HADHB: variants seen among roughly 807,000 people sequenced by gnomAD.
HADHB encodes trifunctional enzyme subunit beta, mitochondrial.
A neutral mutation model predicts 61.9 loss-of-function variants in HADHB; 50 were observed. The observed-to-expected ratio is 0.81, with a 90% confidence interval of 0.64 to 1.02. The LOEUF is 1.02. Among genes scored for constraint, HADHB ranks in the 50% least tolerant of loss-of-function variants. The pLI, the probability that HADHB is intolerant of heterozygous loss-of-function variation, is 0.00. For synonymous variants in HADHB, 191 were observed against 201.6 expected (o/e 0.95, Z 0.45); for missense variants, 504 against 586.5 (o/e 0.86, Z 1.45).
chr2:26,282,620 G>T lies in HADHB; in HGVS notation c.934-225G>T, dbSNP rs544000953. Among the ~76,000 whole-genome samples, 7 of 152,234 alleles carry T rather than the reference G, an allele frequency of 4.6e-5. No individual in the cohort carries two copies. In the East Asian group the frequency reaches 1.3e-3, roughly 29 times the overall value. On this transcript the variant is annotated intron_variant, in intron 10 of 15. Coordinates refer to ENST00000317799, the MANE Select transcript of HADHB (RefSeq NM_000183.3). ...TCTGTTGATTCATTTTGATTATTAT[G>T]ATACTTTTGAACAGCCTTCTCTACC...
intron 13 of HADHB, 87 bp from the exon 14 acceptor site, chr2:26,284,796 G>A: frequency 1.2e-6 from 1 of 811,704 alleles, no homozygotes; most frequent in Non-Finnish European, 2.2e-6. Context: ...CATACCTAAA[G>A]TTGTTAAACT....
At chr2:26,264,977 G>A (rs1462625024) in intron 4 of HADHB, among the ~76,000 whole-genome samples, 33 of 148,346 alleles carry the variant, frequency 2.2e-4, no homozygotes, top group African/African-American at 6.5e-4. Context: ...GCAACACAGC[G>A]AGACCCTGTT....
chr2:26,252,656 G>T (rs1671447217), intron 1 of HADHB, among the ~76,000 whole-genome samples: 1 of 152,148 alleles, frequency 6.6e-6, no homozygotes, highest in Non-Finnish European at 1.5e-5. Context: ...TTCCGAATTG[G>T]TGCATAATCA....
At chr2:26,253,891 A>AATAC (rs1283958534) in intron 1 of HADHB, among the ~76,000 whole-genome samples, 1 of 151,078 alleles carries the variant, frequency 6.6e-6, no homozygotes, top group African/African-American at 2.4e-5. Context: ...TAAATAAATA[A>AATAC]ATAAATAAAT....
chr2:26,254,702 G>A (rs1574642766), intron 3 of HADHB: 1 of 502,422 alleles, frequency 2.0e-6, no homozygotes, highest in East Asian at 3.6e-5. Context: ...TGTTTTCTGG[G>A]ATTTGAACCT....
chr2:26,272,831 C>T (rs1366091449), intron 5 of HADHB, among the ~76,000 whole-genome samples: 1 of 152,028 alleles, frequency 6.6e-6, no homozygotes, highest in African/African-American at 2.4e-5. Flanking sequence ...CACCTATAAT[C>T]CCAGCACTTT....
chr2:26,268,493 T>G lies in HADHB; in HGVS notation c.210-1460T>G, dbSNP rs6754697. ...GACATCACTTGACCCAAATCATCACTTTAACATCACTGGTAGTAAGTCATG... is the reference window on the plus strand; with the variant it reads ...GACATCACTTGACCCAAATCATCACGTTAACATCACTGGTAGTAAGTCATG... On this transcript the variant is annotated intron_variant, in intron 4 of 15. Coordinates refer to ENST00000317799, the MANE Select transcript of HADHB (RefSeq NM_000183.3). Among the ~76,000 whole-genome samples the G allele has an allele frequency of 6.3e-3, 957 of 152,338 alleles. 8 individuals are homozygous for G. The highest frequency in any genetic ancestry group is 0.022 in the African/African-American group (895 of 41,582).
chr2:26,287,102 G>T (rs1051299706), intron 15 of HADHB, among the ~76,000 whole-genome samples: 9 of 152,016 alleles, frequency 5.9e-5, no homozygotes, highest in African/African-American at 2.2e-4. Context: ...TACTCAGGAG[G>T]CTGAGGCAGG....
chr2:26,268,869 G>A (rs1672209139), intron 4 of HADHB, among the ~76,000 whole-genome samples: 1 of 152,140 alleles, frequency 6.6e-6, no homozygotes, highest in African/African-American at 2.4e-5. Context: ...GGGGAAGGCT[G>A]GGCGCGGTGA....
At chr2:26,263,561 G>T in intron 4 of HADHB, 82 bp downstream of exon 4, 1 of 864,780 alleles carries the variant, frequency 1.2e-6, no homozygotes, top group East Asian at 2.4e-5. Context: ...AACCCAGTAG[G>T]TAATAATATT....
At chr2:26,260,976 C>T (rs1446386255) in intron 3 of HADHB, 6 of 1,464,418 alleles carry the variant, frequency 4.1e-6, no homozygotes, top group Non-Finnish European at 5.5e-6. Context: ...TGCTTCTTTG[C>T]CTAGAGAGAG....
Position 26,252,608 on chromosome 2 carries a change from A to G in HADHB, c.-8-1639A>G, listed in dbSNP as rs58112083. Among the ~76,000 whole-genome samples, 955 of 152,278 alleles carry G rather than the reference A, an allele frequency of 6.3e-3. 8 individuals are homozygous for G. Among genetic ancestry groups the G allele is most frequent in the African/African-American group, 0.021 (893 of 41,552 alleles). ...ATAGCATGCTGTACAGCTATTTTGC[A>G]CCTTGCTTTCTTCACTTAATGATAC... On this transcript the variant is annotated intron_variant, in intron 1 of 15. Transcript: ENST00000317799.
intron 8 of HADHB, 84 bp from the exon 9 acceptor site, chr2:26,279,051 T>C: frequency 8.4e-7 from 1 of 1,186,266 alleles, no homozygotes; most frequent in South Asian, 1.2e-5. Flanking sequence ...GATTTTAACT[T>C]TTCCAAATAA....
In HADHB at chr2:26,273,717, TC is replaced by T. The variant is rs763613962; in HGVS notation, c.322del (p.Gln108ArgfsTer3). On this transcript the variant is annotated frameshift_variant, in exon 6 of 16. Coordinates refer to ENST00000317799, the MANE Select transcript of HADHB (RefSeq NM_000183.3). LOFTEE classifies it high-confidence loss of function. ...ATTATATCATCTTTGGTACAGTTAT[TC>T]AGGAAGTGAAAACAAGCAATGTGGC... ...VDYIIFGTVIQEVKTSNVARE... is the reference protein window; with the variant it reads ...VDYIIFGTVIXEVKTSNVARE... 8 of 1,607,632 alleles carry T rather than the reference TC, an allele frequency of 5.0e-6. No individual in the cohort carries two copies.
In HADHB at chr2:26,284,908, C is replaced by T. The variant is rs764623179; in HGVS notation, c.1175C>T (p.Ala392Val). ...FSGQILANFK[A>V]MDSDWFAENY... is the part of the protein sequence containing the mutation. The stretch of plus-strand genomic sequence containing the variant: ...GGTCAGATTTTGGCAAATTTTAAAG[C>T]CATGGATTCTGATTGGTTTGCAGAA... The change falls in exon 14 of 16, where the codon GCC becomes GTC. Residue 392 changes from alanine (A) to valine (V), a missense_variant. Transcript: ENST00000317799. 1.9e-6 allele frequency: 3 copies of T among 1,596,498 alleles called. No individual in the cohort carries two copies. The East Asian group carries it at 6.7e-5, about 36-fold the overall frequency.
At chr2:26,286,273 A>G (rs1047504244) in intron 15 of HADHB, among the ~76,000 whole-genome samples, 4 of 152,230 alleles carry the variant, frequency 2.6e-5, no homozygotes, top group African/African-American at 9.6e-5. Flanking sequence ...TAGTCACCAT[A>G]AGACTTTATA....
intron 3 of HADHB, among the ~76,000 whole-genome samples, chr2:26,257,936 G>A (rs1025363793): frequency 1.3e-5 from 2 of 152,026 alleles, no homozygotes; most frequent in African/African-American, 4.8e-5. Flanking sequence ...GAAGCATGGT[G>A]TGAACCCTGG....
At chr2:26,254,110 G>C in intron 1 of HADHB, 137 bp from the exon 2 acceptor site, 1 of 644,568 alleles carries the variant, frequency 1.6e-6, no homozygotes, top group East Asian at 2.7e-5. Flanking sequence ...AATATTATTA[G>C]ATGAAGAATA....
At chr2:26,254,907 C>G in intron 3 of HADHB, 1 of 186,198 alleles carries the variant, frequency 5.4e-6, no homozygotes, top group Non-Finnish European at 1.1e-5. Flanking sequence ...GGGCCCATTC[C>G]TGAAATAGAA....
Sources: gnomAD v4.1 joint callset for allele counts (sites outside exome capture counted in the v4.1 genomes callset) on GRCh38, gnomAD v4.1.1 for gene constraint, MANE v1.5 for transcripts, NCBI Gene and HGNC (gene_info 2026-07-23, HGNC 2026-07-21) for gene names.